Variants in RBCK1 observed in about 807,000 individuals in gnomAD.
RBCK1 encodes ranBP-type and C3HC4-type zinc finger-containing protein 1.
A neutral mutation model predicts 71.1 loss-of-function variants in RBCK1; 44 were observed. That is an observed-to-expected ratio of 0.62 (90% CI 0.49 to 0.80). The LOEUF (loss-of-function observed/expected upper bound fraction) is 0.80. RBCK1 is among the 30% of genes least tolerant of loss of function. The pLI is 0.00. For missense variants in RBCK1, 569 were observed against 685.0 expected (o/e 0.83, Z 1.89); for synonymous variants, 306 against 279.7 (o/e 1.09, Z -0.94).
chr20:422,356 T>A lies in RBCK1; in HGVS notation c.1029+118T>A. 1 of 796,458 alleles carries A rather than the reference T, an allele frequency of 1.3e-6. No homozygotes were observed. The highest frequency in any genetic ancestry group is 2.1e-6 in the Non-Finnish European group (1 of 483,258). 49.3% of individuals were successfully genotyped at this position (796,458 alleles called of 1,614,324 possible). A position where few individuals can be genotyped will look rare whatever the true frequency, so the allele number is the denominator to read the frequency against. ...TTTTTTTTTGGAGATGGGGTCTCAC[T>A]ATGTTGTCCAAGCTGGTCTCAAACT... On this transcript the variant is annotated intron_variant, in intron 8 of 11. Coordinates refer to ENST00000356286, the MANE Select transcript of RBCK1 (RefSeq NM_031229.4). The surrounding 1 kb of genome is among the most constrained non-coding windows in gnomAD (Gnocchi z 5.0).
intron 8 of RBCK1, among the ~76,000 whole-genome samples, chr20:425,626 C>CT (rs66583727): frequency 0.065 from 8,056 of 123,252 alleles, 362 homozygotes; most frequent in East Asian, 0.12. Flanking sequence ...ATGGTGTATT[C>CT]TTTTTTTTTT....
At chr20:416,883 G>C (rs1470652287) in intron 2 of RBCK1, among the ~76,000 whole-genome samples, 1 of 152,224 alleles carries the variant, frequency 6.6e-6, no homozygotes, top group Non-Finnish European at 1.5e-5. Context: ...TGTGGTCCCA[G>C]CTACTTGGGA....
chr20:411,288 C>G (rs1342313226), intron 2 of RBCK1, among the ~76,000 whole-genome samples: 1 of 152,118 alleles, frequency 6.6e-6, no homozygotes, highest in Non-Finnish European at 1.5e-5. Context: ...ACTACAGCCT[C>G]AACTTCCTGG....
intron 11 of RBCK1, among the ~76,000 whole-genome samples, chr20:429,817 C>T (rs2016927046): frequency 6.6e-6 from 1 of 152,216 alleles, no homozygotes; most frequent in Non-Finnish European, 1.5e-5. Flanking sequence ...TGGCCCCTGG[C>T]TCTGGCACAT....
intron 1 of RBCK1, 25 bp from the exon 2 acceptor site, chr20:409,856 T>C (rs960275083): frequency 1.2e-6 from 2 of 1,607,956 alleles, no homozygotes; most frequent in African/African-American, 2.7e-5. Flanking sequence ...CTGTGCTAAC[T>C]GGCTCCTGCT....
chr20:409,920 G>A lies in RBCK1; in HGVS notation c.62G>A (p.Gly21Asp), dbSNP rs896458357. ...CTGAGCCTCACCCGAGCAGTGGCGG[G>A]CGGGGATGAACAGGTGGCAATGAAG... Reference protein sequence around the residue: ...MALSLTRAVAGGDEQVAMKCA... With the variant: ...MALSLTRAVADGDEQVAMKCA... The change falls in exon 2 of 12, where the codon GGC becomes GAC. Residue 21 changes from glycine (G) to aspartate (D), a missense_variant. Gly to Asp is a moderately conservative substitution (Grantham distance 94). Transcript: ENST00000356286. 3 of 1,614,008 alleles carry A rather than the reference G, an allele frequency of 1.9e-6. No individual in the cohort carries two copies. The highest frequency in any genetic ancestry group is 2.5e-6 in the Non-Finnish European group (3 of 1,180,024).
intron 8 of RBCK1, among the ~76,000 whole-genome samples, chr20:426,928 C>G (rs571929416): frequency 6.8e-6 from 1 of 147,526 alleles, no homozygotes. Context: ...TGGGCTCAAG[C>G]GATCCTCACA....
rs746640446 is a variant in RBCK1 at position 420,839 on chromosome 20, ACCCGCCCCGTGGC to A, written c.757-20_757-8del. ...GGTCTGACCCGCCCCCGAGGCCCTG[ACCCGCCCCGTGGC>A]CCCGCCCCGTGTGCCCAGCGGAAGC... On this transcript the variant is annotated intron_variant, in intron 6 of 11. Transcript: ENST00000356286. 27 of 1,517,146 alleles carry A rather than the reference ACCCGCCCCGTGGC, an allele frequency of 1.8e-5. No individual in the cohort carries two copies. The highest frequency in any genetic ancestry group is 1.2e-5 in the Non-Finnish European group (14 of 1,135,082). 94.0% of individuals were successfully genotyped at this position (1,517,146 alleles called of 1,614,324 possible).
chr20:427,258 G>A (rs1568565969), intron 8 of RBCK1, 55 bp from the exon 9 acceptor site: 1 of 1,576,834 alleles, frequency 6.3e-7, no homozygotes, highest in African/African-American at 1.3e-5. Flanking sequence ...AGTGGTCAAG[G>A]GTCATATGTC....
chr20:409,781 AAG>A lies in RBCK1; in HGVS notation c.23-99_23-98del, dbSNP rs368996082. On this transcript the variant is annotated intron_variant, in intron 1 of 11. Coordinates refer to ENST00000356286, the MANE Select transcript of RBCK1 (RefSeq NM_031229.4). ...TAGGAGTTCACCAGGAAGACAGAGA[AAG>A]CAGCACACACAAAGGATCGCCTCCT... 1.5e-3 allele frequency: 2,213 copies of A among 1,511,984 alleles called. 14 individuals are homozygous for A. In the Middle Eastern group the frequency reaches 0.028, roughly 19 times the overall value. 93.7% of individuals were successfully genotyped at this position (1,511,984 alleles called of 1,614,324 possible).
intron 4 of RBCK1, 151 bp downstream of exon 4, chr20:418,081 A>C: frequency 1.1e-5 from 8 of 753,558 alleles, no homozygotes; most frequent in East Asian, 2.8e-5. Flanking sequence ...CCTAAGACAC[A>C]TGGGAGGGAG....
intron 2 of RBCK1, among the ~76,000 whole-genome samples, chr20:415,797 T>C (rs1285875126): frequency 6.6e-6 from 1 of 152,234 alleles, no homozygotes; most frequent in Non-Finnish European, 1.5e-5. Context: ...TGACATTTGC[T>C]TGGCTTCTGG....
At chr20:410,607 G>C (rs763450262) in intron 2 of RBCK1, 2 of 774,088 alleles carry the variant, frequency 2.6e-6, no homozygotes, top group Admixed American at 3.4e-5. Flanking sequence ...GTATAGCCAA[G>C]ATATTCAGCT....
Position 430,292 on chromosome 20 carries a change from C to A in RBCK1, c.1453-58C>A. On this transcript the variant is annotated intron_variant, in intron 11 of 11. Coordinates refer to ENST00000356286, the MANE Select transcript of RBCK1 (RefSeq NM_031229.4). This position sits in a 1 kb window ranked among gnomAD's most constrained non-coding sequence, Gnocchi z 5.6. ...AGGCCCGGGGTGGGAGAGCGCTCGG[C>A]TGTGGGGGCAGTCTCTGCACTGCGC... The A allele has an allele frequency of 6.8e-7, 1 of 1,472,550 alleles. No homozygotes were observed. Among genetic ancestry groups the A allele is most frequent in the Non-Finnish European group, 9.5e-7 (1 of 1,054,514 alleles). 91.2% of individuals were successfully genotyped at this position (1,472,550 alleles called of 1,614,324 possible).
In RBCK1 at chr20:408,428, T is replaced by G. The variant is rs1349203152; in HGVS notation, c.-330T>G. 8.6e-6 allele frequency: 4 copies of G among 467,234 alleles called. No homozygotes were observed. Among genetic ancestry groups the G allele is most frequent in the Admixed American group, 4.2e-5 (1 of 24,086 alleles). 28.9% of individuals were successfully genotyped at this position (467,234 alleles called of 1,614,324 possible). ...CCGCAAGTGGGGGTCCTCCGGGACT[T>G]GGAACGCCCCGGCTGGGTGGTGTCC... is the stretch of plus-strand genomic sequence containing the variant. On this transcript the variant is annotated 5_prime_UTR_variant, in exon 1 of 12. Transcript: ENST00000356286.
At chr20:409,661 A>T (rs980110535) in intron 1 of RBCK1, among the ~76,000 whole-genome samples, 19 of 152,128 alleles carry the variant, frequency 1.2e-4, no homozygotes, top group African/African-American at 4.3e-4. Context: ...TGGGAAGGAC[A>T]AACAACCAAA....
rs2015512079 is a variant in RBCK1 at position 408,658 on chromosome 20, G to A, written c.-100G>A. 1.3e-6 allele frequency: 2 copies of A among 1,511,646 alleles called. No homozygotes were observed. The highest frequency in any genetic ancestry group is 3.9e-5 in the Admixed American group (2 of 51,816). The allele number at this position is 1,511,646 out of a possible 1,614,324, so 93.6% of individuals were successfully genotyped here. On this transcript the variant is annotated 5_prime_UTR_variant, in exon 1 of 12. Coordinates refer to ENST00000356286, the MANE Select transcript of RBCK1 (RefSeq NM_031229.4). The stretch of plus-strand genomic sequence containing the variant: ...GCCGCGCCGGAGGCCACACGGCCTG[G>A]CTGAGTTGCTCCTGGTCTCCCGCCT...
At chr20:412,325 CTT>C (rs147592534) in intron 2 of RBCK1, among the ~76,000 whole-genome samples, 6 of 145,494 alleles carry the variant, frequency 4.1e-5, no homozygotes, top group Admixed American at 1.4e-4. Flanking sequence ...TTGGGTTTAT[CTT>C]TTTTTTTTTT....
Position 430,608 on chromosome 20 carries a change from CG to C in RBCK1, c.*180del, listed in dbSNP as rs1192488597. The stretch of plus-strand genomic sequence containing the variant: ...CCTTTGTCCTTCCCTTGGGGCTTGC[CG>C]GCCAGACTTCTCTCCCCTGCGGCTC... On this transcript the variant is annotated 3_prime_UTR_variant, in exon 12 of 12. Transcript: ENST00000356286. This position sits in a 1 kb window ranked among gnomAD's most constrained non-coding sequence, Gnocchi z 5.6. The C allele has an allele frequency of 1.5e-6, 1 of 645,646 alleles. No individual in the cohort carries two copies. Among genetic ancestry groups the C allele is most frequent in the African/African-American group, 1.8e-5 (1 of 55,212 alleles). 40.0% of individuals were successfully genotyped at this position (645,646 alleles called of 1,614,324 possible).
Sources: allele counts gnomAD v4.1 joint callset (sites outside exome capture counted in the v4.1 genomes callset), GRCh38; gene constraint gnomAD v4.1.1; non-coding constraint Gnocchi (gnomAD v3.1); transcripts MANE v1.5; gene names NCBI Gene and HGNC (gene_info 2026-07-23, HGNC 2026-07-21).